SUPT3H: variants seen among roughly 807,000 people sequenced by gnomAD.
SUPT3H encodes SPT3 homolog, SAGA and STAGA complex component.
A neutral mutation model predicts 44.3 loss-of-function variants in SUPT3H; 44 were observed. That is an observed-to-expected ratio of 0.99 (90% CI 0.78 to 1.28). SUPT3H has a LOEUF of 1.28. Among genes scored for constraint, SUPT3H ranks in the 50% most tolerant of loss-of-function variants. The pLI, the probability that SUPT3H is intolerant of heterozygous loss-of-function variation, is 0.00. For missense variants in SUPT3H, 380 were observed against 387.1 expected (o/e 0.98, Z 0.15); for synonymous variants, 124 against 125.6 (o/e 0.99, Z 0.09).
intron 2 of SUPT3H, among the ~76,000 whole-genome samples, chr6:45,278,566 T>C (rs1562852875): frequency 1.3e-5 from 2 of 152,202 alleles, no homozygotes; most frequent in Non-Finnish European, 2.9e-5. Context: ...ATGACCTCAT[T>C]ATGACAACTA....
chr6:45,204,139 C>T (rs1474119585), intron 2 of SUPT3H, among the ~76,000 whole-genome samples: 2 of 151,782 alleles, frequency 1.3e-5, no homozygotes, highest in East Asian at 1.9e-4. Context: ...CCCAGCTACT[C>T]GGGAGGCTGA....
intron 6 of SUPT3H, among the ~76,000 whole-genome samples, chr6:44,963,002 G>A (rs1776253177): frequency 6.6e-6 from 1 of 151,372 alleles, no homozygotes; most frequent in Admixed American, 6.6e-5. Context: ...CTAGGTTCAA[G>A]TATACTTTTT....
At chr6:45,173,772 TA>T in intron 2 of SUPT3H, among the ~76,000 whole-genome samples, 1 of 152,332 alleles carries the variant, frequency 6.6e-6, no homozygotes, top group Non-Finnish European at 1.5e-5. Flanking sequence ...GCAGAGGCAT[TA>T]ACACTTCTTT....
intron 2 of SUPT3H, among the ~76,000 whole-genome samples, chr6:45,230,227 A>C (rs370202478): frequency 1.3e-5 from 2 of 152,142 alleles, no homozygotes; most frequent in African/African-American, 4.8e-5. Flanking sequence ...ATGTTCTATC[A>C]ATGTCTGTTA....
chr6:45,370,984 T>C (rs1451137841), intron 1 of SUPT3H, among the ~76,000 whole-genome samples: 6 of 152,296 alleles, frequency 3.9e-5, no homozygotes, highest in East Asian at 1.9e-4. Flanking sequence ...AGATTATCCT[T>C]AAGCCCTGAC....
At chr6:45,267,015 A>C (rs1367550075) in intron 2 of SUPT3H, among the ~76,000 whole-genome samples, 1 of 152,172 alleles carries the variant, frequency 6.6e-6, no homozygotes, top group African/African-American at 2.4e-5. Context: ...ATTTACCTTC[A>C]GCCTATAAGT....
chr6:45,125,430 T>C (rs1802289707), intron 2 of SUPT3H, among the ~76,000 whole-genome samples: 1 of 152,188 alleles, frequency 6.6e-6, no homozygotes, highest in African/African-American at 2.4e-5. Context: ...TTACTATTGA[T>C]GGCAAATGCA....
At chr6:44,913,171 A>G (rs1373308931) in intron 10 of SUPT3H, among the ~76,000 whole-genome samples, 1 of 152,210 alleles carries the variant, frequency 6.6e-6, no homozygotes, top group Non-Finnish European at 1.5e-5. Flanking sequence ...CTCTATCTGC[A>G]TAATGGAGTA....
At chr6:45,003,206 T>C (rs1305488003) in intron 6 of SUPT3H, among the ~76,000 whole-genome samples, 3 of 152,158 alleles carry the variant, frequency 2.0e-5, no homozygotes, top group Non-Finnish European at 2.9e-5. Context: ...CCCTGGGTAC[T>C]ACCCTAGCTA....
At chr6:45,268,685 C>T (rs894710811) in intron 2 of SUPT3H, among the ~76,000 whole-genome samples, 72 of 151,988 alleles carry the variant, frequency 4.7e-4, no homozygotes, top group Non-Finnish European at 6.0e-4. Flanking sequence ...TGTTAGATAA[C>T]TAAGAAGAAT....
chr6:44,902,862 C>G (rs1186584662), intron 10 of SUPT3H, among the ~76,000 whole-genome samples: 1 of 152,164 alleles, frequency 6.6e-6, no homozygotes, highest in African/African-American at 2.4e-5. Context: ...AACCAGAACT[C>G]AGGATTAAGA....
At chr6:45,222,502 G>T (rs920046793) in intron 2 of SUPT3H, among the ~76,000 whole-genome samples, 2 of 152,058 alleles carry the variant, frequency 1.3e-5, no homozygotes, top group Non-Finnish European at 2.9e-5. Flanking sequence ...ATCACTACAG[G>T]ACCATCAGAA....
At chr6:44,998,729 A>T (rs1297840161) in intron 6 of SUPT3H, among the ~76,000 whole-genome samples, 12 of 151,848 alleles carry the variant, frequency 7.9e-5, no homozygotes, top group Non-Finnish European at 1.8e-4. Context: ...GAATTTCTTA[A>T]GTTGATAAAT....
chr6:45,291,485 T>C (rs948948694), intron 2 of SUPT3H, among the ~76,000 whole-genome samples: 3 of 152,124 alleles, frequency 2.0e-5, no homozygotes, highest in African/African-American at 4.8e-5. Context: ...TTCAGGAGGA[T>C]AGTTATTAAG....
intron 10 of SUPT3H, among the ~76,000 whole-genome samples, chr6:44,911,279 CAT>C (rs961212049): frequency 5.7e-5 from 3 of 52,714 alleles, no homozygotes; most frequent in African/African-American, 1.8e-4. Context: ...ATTCCCACCA[CAT>C]GTTTGACAGT....
At chr6:45,087,896 G>A (rs187136252) in intron 3 of SUPT3H, among the ~76,000 whole-genome samples, 1 of 151,828 alleles carries the variant, frequency 6.6e-6, no homozygotes, top group Admixed American at 6.6e-5. Flanking sequence ...CATAGAAGTC[G>A]CCACTAAAAT....
intron 2 of SUPT3H, among the ~76,000 whole-genome samples, chr6:45,154,470 AGAG>A (rs1419654657): frequency 1.3e-5 from 2 of 152,228 alleles, no homozygotes. Context: ...ATTAACCACT[AGAG>A]AAGAGAGAAA....
chr6:44,852,991 T>G (rs1436243911), intron 10 of SUPT3H, among the ~76,000 whole-genome samples: 2 of 123,658 alleles, frequency 1.6e-5, no homozygotes, highest in Admixed American at 1.7e-4. Context: ...TTAACATTTT[T>G]AAATAATGTC....
At chr6:45,171,555 T>C (rs1810768431) in intron 2 of SUPT3H, among the ~76,000 whole-genome samples, 1 of 152,112 alleles carries the variant, frequency 6.6e-6, no homozygotes, top group African/African-American at 2.4e-5. Flanking sequence ...GAAGAGGACC[T>C]TTCAAACCAG....
Sources: gnomAD v4.1 joint callset for allele counts (sites outside exome capture counted in the v4.1 genomes callset) on GRCh38, gnomAD v4.1.1 for gene constraint, MANE v1.5 for transcripts, NCBI Gene and HGNC (gene_info 2026-07-23, HGNC 2026-07-21) for gene names.